MSH4: variants seen among roughly 807,000 people sequenced by gnomAD.
MSH4 encodes the protein mutS homolog 4.
MSH4 carries 106 observed loss-of-function variants against 113.7 expected under a neutral mutation model. The observed-to-expected ratio is 0.93, with a 90% CI of 0.80 to 1.10. The LOEUF (loss-of-function observed/expected upper bound fraction) is 1.10. Among genes scored for constraint, MSH4 ranks in the 50% least tolerant of loss-of-function variants. The pLI is 0.00. For missense variants in MSH4, 1,061 were observed against 1,093.7 expected (o/e 0.97, Z 0.42); for synonymous variants, 368 against 380.2 (o/e 0.97, Z 0.37).
At chr1:75,855,296 C>A (rs962258496) in intron 8 of MSH4, among the ~76,000 whole-genome samples, 2 of 152,148 alleles carry the variant, frequency 1.3e-5, no homozygotes, top group Admixed American at 6.6e-5. Context: ...TCTTGGCCTC[C>A]TGAAGTGCTG....
intron 6 of MSH4, among the ~76,000 whole-genome samples, chr1:75,817,682 T>C (rs896903503): frequency 6.6e-6 from 1 of 152,128 alleles, no homozygotes; most frequent in African/African-American, 2.4e-5. Flanking sequence ...TCTGAATAGC[T>C]CCAATGCTTC....
intron 7 of MSH4, among the ~76,000 whole-genome samples, chr1:75,841,307 T>G (rs1417344697): frequency 6.6e-6 from 1 of 151,970 alleles, no homozygotes; most frequent in Non-Finnish European, 1.5e-5. Flanking sequence ...AAGTGATCCT[T>G]TTGCTGCAGC....
intron 1 of MSH4, among the ~76,000 whole-genome samples, chr1:75,797,662 T>C (rs1000817212): frequency 2.1e-4 from 32 of 152,304 alleles, no homozygotes; most frequent in Non-Finnish European, 1.6e-4. Flanking sequence ...GGCTGGGCGG[T>C]GGCTGACGCC....
chr1:75,863,032 C>T (rs960748528), intron 8 of MSH4, among the ~76,000 whole-genome samples: 1 of 151,930 alleles, frequency 6.6e-6, no homozygotes, highest in African/African-American at 2.4e-5. Flanking sequence ...AAATACTTTC[C>T]CCAACATTTG....
chr1:75,882,385 T>C (rs562289820), intron 14 of MSH4, among the ~76,000 whole-genome samples: 2 of 152,176 alleles, frequency 1.3e-5, no homozygotes, highest in Non-Finnish European at 2.9e-5. Flanking sequence ...GATAAAGGTA[T>C]GGAACATTTT....
intron 15 of MSH4, among the ~76,000 whole-genome samples, chr1:75,886,881 A>T (rs982245445): frequency 9.5e-5 from 14 of 147,056 alleles, no homozygotes; most frequent in African/African-American, 3.5e-4. Context: ...TTTCACATTT[A>T]TTCTCCTAGA....
chr1:75,882,663 T>TAAA (rs35936506), intron 14 of MSH4, among the ~76,000 whole-genome samples: 18,608 of 122,988 alleles, frequency 0.15, 1,818 homozygotes, highest in Non-Finnish European at 0.2. Flanking sequence ...ACCTCATTTC[T>TAAA]AAAAAAAAAA....
At chr1:75,904,987 G>A (rs1462696227) in intron 19 of MSH4, among the ~76,000 whole-genome samples, 1 of 151,590 alleles carries the variant, frequency 6.6e-6, no homozygotes, top group East Asian at 1.9e-4. Flanking sequence ...TCTCTTTTTA[G>A]TTGGTCTAGT....
intron 7 of MSH4, among the ~76,000 whole-genome samples, chr1:75,842,579 A>G (rs990358835): frequency 3.3e-5 from 5 of 152,216 alleles, no homozygotes; most frequent in African/African-American, 1.2e-4. Context: ...CTCCATAATC[A>G]TACCCTAGGA....
At chr1:75,910,124 CT>C (rs1433893798) in intron 19 of MSH4, among the ~76,000 whole-genome samples, 1 of 151,974 alleles carries the variant, frequency 6.6e-6, no homozygotes, top group East Asian at 1.9e-4. Flanking sequence ...ATTTCATTTT[CT>C]TTTTACTGCA....
In MSH4 at chr1:75,807,080, T is replaced by C; in HGVS notation, c.527T>C (p.Ile176Thr). 1 of 1,588,130 alleles carries C rather than the reference T, an allele frequency of 6.3e-7. No homozygotes were observed. Among genetic ancestry groups the C allele is most frequent in the South Asian group, 1.2e-5 (1 of 85,276 alleles). ...LARGEIGMAS[I>T]DLKNPQIILS... ...AGAGGTGAAATAGGAATGGCAAGTATTGATTTAAAAAACCCCCAAATTATA... is the reference window on the plus strand; with the variant it reads ...AGAGGTGAAATAGGAATGGCAAGTACTGATTTAAAAAACCCCCAAATTATA... Residue 176 changes from isoleucine to threonine, a missense_variant, in exon 3 of 20, where the codon ATT (isoleucine) becomes ACT (threonine). Ile to Thr is a moderately conservative substitution (Grantham distance 89). Coordinates refer to ENST00000263187, the MANE Select transcript of MSH4 (RefSeq NM_002440.4).
intron 7 of MSH4, among the ~76,000 whole-genome samples, chr1:75,823,973 AT>A (rs1390801804): frequency 6.6e-6 from 1 of 152,022 alleles, no homozygotes; most frequent in Non-Finnish European, 1.5e-5. Context: ...AAGATTTATA[AT>A]TTTTTTGGTA....
intron 7 of MSH4, among the ~76,000 whole-genome samples, chr1:75,842,206 C>G (rs986227328): frequency 6.6e-6 from 1 of 152,078 alleles, no homozygotes; most frequent in Admixed American, 6.6e-5. Context: ...TATCTGAAGA[C>G]CTGGGAATGT....
chr1:75,871,360 C>G (rs1651709738), intron 9 of MSH4, among the ~76,000 whole-genome samples: 1 of 152,130 alleles, frequency 6.6e-6, no homozygotes, highest in Admixed American at 6.5e-5. Context: ...CAAACCCTAA[C>G]TGTATCAGAC....
chr1:75,819,291 G>C (rs1650356630), intron 6 of MSH4, among the ~76,000 whole-genome samples: 1 of 152,180 alleles, frequency 6.6e-6, no homozygotes, highest in African/African-American at 2.4e-5. Context: ...CCAGGAGTTT[G>C]AGACCAGCCT....
chr1:75,892,781 A>C (rs5745518), intron 17 of MSH4, among the ~76,000 whole-genome samples: 1 of 151,786 alleles, frequency 6.6e-6, no homozygotes, highest in South Asian at 2.1e-4. Context: ...ACCAGGCATC[A>C]CATGTGTCCC....
intron 4 of MSH4, among the ~76,000 whole-genome samples, chr1:75,813,249 A>G (rs1214760286): frequency 6.6e-6 from 1 of 152,184 alleles, no homozygotes; most frequent in Non-Finnish European, 1.5e-5. Flanking sequence ...GGGTAGATAC[A>G]CTATAATTGA....
chr1:75,893,065 G>A (rs1365171958), intron 17 of MSH4, among the ~76,000 whole-genome samples: 2 of 152,302 alleles, frequency 1.3e-5, no homozygotes, highest in East Asian at 3.9e-4. Context: ...GTAGACACCA[G>A]GAAATGTGCA....
At chr1:75,823,264 C>T (rs967330166) in intron 7 of MSH4, among the ~76,000 whole-genome samples, 2 of 152,170 alleles carry the variant, frequency 1.3e-5, no homozygotes, top group African/African-American at 4.8e-5. Flanking sequence ...CTCACATTAG[C>T]TTGATTACAT....
Sources: gnomAD v4.1 joint callset for allele counts (sites outside exome capture counted in the v4.1 genomes callset) on GRCh38, gnomAD v4.1.1 for gene constraint, MANE v1.5 for transcripts, NCBI Gene and HGNC (gene_info 2026-07-23, HGNC 2026-07-21) for gene names.